AOPEP: variants seen among roughly 807,000 people sequenced by gnomAD.
AOPEP encodes the protein aminopeptidase O (putative), also known as aminopeptidase O.
A neutral mutation model predicts 98.1 loss-of-function variants in AOPEP; 77 were observed. The observed-to-expected ratio is 0.78, with a 90% CI of 0.65 to 0.95. The LOEUF (loss-of-function observed/expected upper bound fraction) is 0.95. AOPEP is among the 40% of genes least tolerant of loss of function. AOPEP has a pLI of 0.00. For synonymous variants in AOPEP, 346 were observed against 365.3 expected (o/e 0.95, Z 0.60); for missense variants, 1,024 against 1,024.7 (o/e 1.00, Z 0.01).
intron 5 of AOPEP, among the ~76,000 whole-genome samples, chr9:94,915,390 C>T (rs1032741034): frequency 6.6e-6 from 1 of 152,188 alleles, no homozygotes; most frequent in Non-Finnish European, 1.5e-5. Flanking sequence ...CTGGATCTAA[C>T]TTTGATTTAG....
chr9:95,042,339 AATAC>A (rs1239328504), intron 13 of AOPEP, among the ~76,000 whole-genome samples: 3 of 150,970 alleles, frequency 2.0e-5, no homozygotes, highest in African/African-American at 7.3e-5. Context: ...TAAATAAATA[AATAC>A]ATAAATACAT....
chr9:94,976,677 T>C (rs916601142), intron 10 of AOPEP, among the ~76,000 whole-genome samples: 1 of 151,808 alleles, frequency 6.6e-6, no homozygotes, highest in African/African-American at 2.4e-5. Flanking sequence ...TTTTTCTTTT[T>C]GGGGGTTTGA....
chr9:95,110,294 G>C, the AOPEP span: 1 of 1,013,214 alleles, frequency 9.9e-7, no homozygotes. Context: ...CCTTTTGACT[G>C]TGATGGAATT....
At position 95,082,696 on chromosome 9, in the gene AOPEP, T is replaced by C. The variant is rs762510466; in HGVS notation, c.2441T>C (p.Val814Ala). Residue 814 changes from valine (V) to alanine (A), a missense_variant, in exon 16 of 17, where the codon GTG (valine) becomes GCG (alanine). Val to Ala is a moderately conservative substitution (Grantham distance 64, BLOSUM62 0). Around this residue, in one of 3 missense-constraint regions of AOPEP, gnomAD observed 566 missense variants for 551.7 expected, o/e 1.03. Transcript: ENST00000375315. ...ATGGATAGGTCCTCAGCCCAGGTGG[T>C]GGCCGAAATGTTATTTTAACGAGGT... ...EQMDRSSAQV[V>A]AEMLF 9 of 1,614,046 alleles carry C rather than the reference T, an allele frequency of 5.6e-6. No individual in the cohort carries two copies. The East Asian group carries it at 2.0e-4, about 36-fold the overall frequency.
intron 5 of AOPEP, among the ~76,000 whole-genome samples, chr9:94,817,816 A>G (rs1057121372): frequency 6.6e-6 from 1 of 152,180 alleles, no homozygotes; most frequent in Non-Finnish European, 1.5e-5. Flanking sequence ...CTAAGCTTTC[A>G]TGTGAAGTAT....
intron 11 of AOPEP, among the ~76,000 whole-genome samples, chr9:95,000,478 T>C (rs1335667223): frequency 6.6e-6 from 1 of 152,162 alleles, no homozygotes; most frequent in East Asian, 1.9e-4. Flanking sequence ...GAGGCCAAGG[T>C]GGGTGGATCA....
intron 5 of AOPEP, 110 bp downstream of exon 5, chr9:94,801,112 G>GCTATGA: frequency 2.4e-6 from 3 of 1,266,622 alleles, no homozygotes; most frequent in Non-Finnish European, 3.4e-6. Context: ...GAATGGAGGG[G>GCTATGA]CTATGGTTGC....
chr9:94,774,046 G>A (rs1037377149), intron 3 of AOPEP, among the ~76,000 whole-genome samples: 9 of 152,136 alleles, frequency 5.9e-5, no homozygotes, highest in Non-Finnish European at 1.3e-4. Flanking sequence ...GAGCCACTGT[G>A]CCTGGCCAGG....
At chr9:95,100,828 G>T in the AOPEP span, 3 of 227,918 alleles carry the variant, frequency 1.3e-5, no homozygotes, top group Non-Finnish European at 2.6e-5. Flanking sequence ...ATAGGGTATT[G>T]CCATGTTAGC....
chr9:94,730,577 T>C (rs1295180441), intron 1 of AOPEP, among the ~76,000 whole-genome samples: 1 of 152,222 alleles, frequency 6.6e-6, no homozygotes, highest in Non-Finnish European at 1.5e-5. Flanking sequence ...TAAACCTCTA[T>C]TTTACATTGA....
intron 5 of AOPEP, among the ~76,000 whole-genome samples, chr9:94,823,937 C>T (rs1588408172): frequency 6.6e-6 from 1 of 152,126 alleles, no homozygotes; most frequent in Non-Finnish European, 1.5e-5. Context: ...TCACACCCAG[C>T]TTACTATGCA....
rs537149040 is a variant in AOPEP at position 94,972,525 on chromosome 9, C to T, written c.1916+4724C>T. 1.2e-4 allele frequency among the ~76,000 whole-genome samples: 18 copies of T among 152,274 alleles called. No individual in the cohort carries two copies. In the South Asian group the frequency reaches 3.1e-3, roughly 26 times the overall value. On this transcript the variant is annotated intron_variant, in intron 10 of 16. Transcript: ENST00000375315. The surrounding 1 kb of genome is among the most constrained non-coding windows in gnomAD (Gnocchi z 4.2). The stretch of plus-strand genomic sequence containing the variant: ...GTTACTGTGTTTGTGTGTGCATGTT[C>T]CTGTGTTTGTTTTAATCTAATACTG...
chr9:94,854,049 A>T (rs1207031655), intron 5 of AOPEP, among the ~76,000 whole-genome samples: 1 of 152,166 alleles, frequency 6.6e-6, no homozygotes, highest in African/African-American at 2.4e-5. Flanking sequence ...GCTTTGTTTG[A>T]TTTGGTTAAT....
chr9:95,126,867 T>C, the AOPEP span: 1 of 405,062 alleles, frequency 2.5e-6, no homozygotes, highest in Non-Finnish European at 4.6e-6. Context: ...AATCAGTAAG[T>C]ATTAGAGAAA....
At chr9:95,036,051 A>C (rs1241757967) in intron 13 of AOPEP, among the ~76,000 whole-genome samples, 1 of 152,116 alleles carries the variant, frequency 6.6e-6, no homozygotes, top group Non-Finnish European at 1.5e-5. Context: ...GGATTATGCA[A>C]ATATTTGTGT....
intron 5 of AOPEP, among the ~76,000 whole-genome samples, chr9:94,856,963 G>A (rs1456261716): frequency 2.0e-5 from 3 of 152,188 alleles, no homozygotes; most frequent in Non-Finnish European, 4.4e-5. Context: ...CTTGTCCTTG[G>A]GGACGTGACC....
chr9:95,046,310 G>C (rs201296391), intron 13 of AOPEP, among the ~76,000 whole-genome samples: 2 of 152,172 alleles, frequency 1.3e-5, no homozygotes, highest in Admixed American at 6.5e-5. Context: ...GTGGCTTTTT[G>C]CTTTTAAAAG....
chr9:94,866,975 A>G (rs1347175188), intron 5 of AOPEP, among the ~76,000 whole-genome samples: 2 of 152,258 alleles, frequency 1.3e-5, no homozygotes, highest in Non-Finnish European at 2.9e-5. Flanking sequence ...TCATTTGGAC[A>G]TAAATCTAAC....
chr9:94,963,122 T>C lies in AOPEP; in HGVS notation c.1873-4636T>C, dbSNP rs112778385. 6.6e-3 allele frequency among the ~76,000 whole-genome samples: 1,010 copies of C among 152,298 alleles called. 18 individuals carry two copies. The highest frequency in any genetic ancestry group is 0.023 in the African/African-American group (966 of 41,566). ...AACTTCTTCCTGACAATTTCATTTC[T>C]TCTCAGTTTTTATCTTGCCAATCCT... is the stretch of plus-strand genomic sequence containing the variant. On this transcript the variant is annotated intron_variant, in intron 9 of 16. Coordinates refer to ENST00000375315, the MANE Select transcript of AOPEP (RefSeq NM_001193329.3).
Sources: allele counts gnomAD v4.1 joint callset (sites outside exome capture counted in the v4.1 genomes callset), GRCh38; gene constraint gnomAD v4.1.1; regional missense constraint gnomAD v4.1.1; non-coding constraint Gnocchi (gnomAD v3.1); transcripts MANE v1.5; gene names NCBI Gene and HGNC (gene_info 2026-07-23, HGNC 2026-07-21).